The following WDR47 variants were observed in gnomAD, a reference collection of about 807,000 sequenced individuals.
The protein encoded by WDR47 is WD repeat domain 47, also known as WD repeat-containing protein 47.
In WDR47, 32 loss-of-function variants were observed where a neutral mutation model predicts 97.2. That is an observed-to-expected ratio of 0.33 (90% confidence interval 0.25 to 0.44). WDR47 has a LOEUF of 0.44. WDR47 is among the 20% of genes least tolerant of loss of function. The pLI, the probability that WDR47 is intolerant of heterozygous loss-of-function variation, is 1.00. For missense variants in WDR47, 782 were observed against 1,102.3 expected (o/e 0.71, Z 4.11); for synonymous variants, 375 against 373.5 (o/e 1.00, Z -0.05).
intron 10 of WDR47, 55 bp downstream of exon 10, chr1:108,986,468 T>C (rs1658821701): frequency 3.3e-6 from 5 of 1,498,786 alleles, no homozygotes; most frequent in South Asian, 2.9e-5. Context: ...AAGGAACCTA[T>C]ACGGCTAAAT....
At chr1:109,016,002 C>A (rs1661389551) in intron 3 of WDR47, among the ~76,000 whole-genome samples, 2 of 147,682 alleles carry the variant, frequency 1.4e-5, no homozygotes, top group Admixed American at 6.8e-5. Flanking sequence ...AAAAAAAAAC[C>A]CAGAAATTTA....
chr1:109,019,550 TACTACTGGGATCTAGTGGGTAGA>T (rs1661670398), intron 2 of WDR47, among the ~76,000 whole-genome samples: 1 of 152,032 alleles, frequency 6.6e-6, no homozygotes, highest in Non-Finnish European at 1.5e-5. Context: ...CAACTGGGGA[TACTACTGGGATCTAGTGGGTAGA>T]TCTACTGGGA....
chr1:108,984,747 G>A (rs574006643), intron 10 of WDR47, among the ~76,000 whole-genome samples: 2 of 152,064 alleles, frequency 1.3e-5, no homozygotes, highest in African/African-American at 2.4e-5. Flanking sequence ...GCATCGTGGT[G>A]CATGCCTGTA....
At chr1:109,023,977 T>C (rs999902925) in intron 1 of WDR47, among the ~76,000 whole-genome samples, 5 of 152,208 alleles carry the variant, frequency 3.3e-5, no homozygotes, top group South Asian at 2.1e-4. Flanking sequence ...CCCAAATACA[T>C]TGTCCCAGGT....
chr1:108,993,303 G>A (rs1157095503), intron 8 of WDR47, among the ~76,000 whole-genome samples: 6 of 150,950 alleles, frequency 4.0e-5, no homozygotes, highest in Non-Finnish European at 7.4e-5. Flanking sequence ...TCCAGCCTGG[G>A]AGCCAAAGTG....
rs999783359 is a variant in WDR47 at position 108,972,816 on chromosome 1, G to A, written c.2618-1244C>T. On this transcript the variant is annotated intron_variant, in intron 14 of 14. Transcript: ENST00000369962. ...CAAAAAATTAGCCAGGTGTGGTGGC[G>A]GGCGCCTGTAGTTCCAGCTACTTGG... 3.7e-4 allele frequency among the ~76,000 whole-genome samples: 56 copies of A among 151,942 alleles called. 2 individuals carry two copies. The highest frequency in any genetic ancestry group is 1.2e-4 in the Non-Finnish European group (8 of 67,984).
intron 6 of WDR47, 56 bp from the exon 7 acceptor site, chr1:109,002,458 C>CT (rs1660288886): frequency 1.6e-6 from 2 of 1,277,178 alleles, no homozygotes; most frequent in Admixed American, 5.9e-5. Context: ...CAGAATATAT[C>CT]TTAACAGTAC....
At position 108,971,378 on chromosome 1, in the gene WDR47, AG is replaced by A; in HGVS notation, c.*51del. 6.2e-7 allele frequency: 1 copy of A among 1,606,958 alleles called. No homozygotes were observed. The highest frequency in any genetic ancestry group is 8.5e-7 in the Non-Finnish European group (1 of 1,175,524). ...TTCAGATTTGTAATTTTCACAACTC[AG>A]TAGTCTTAAGTCTCTGTGCTTTTGC... On this transcript the variant is annotated 3_prime_UTR_variant, in exon 15 of 15. Coordinates refer to ENST00000369962, the MANE Select transcript of WDR47 (RefSeq NM_001142551.2).
chr1:109,027,065 T>TC (rs1315322502), intron 1 of WDR47, among the ~76,000 whole-genome samples: 1 of 152,058 alleles, frequency 6.6e-6, no homozygotes, highest in African/African-American at 2.4e-5. Flanking sequence ...ACACAGAATT[T>TC]TTTTTTTTTA....
chr1:108,974,417 C>A, intron 14 of WDR47, 119 bp downstream of exon 14: 1 of 752,380 alleles, frequency 1.3e-6, no homozygotes, highest in South Asian at 2.0e-5. Context: ...AGAATCTGCT[C>A]AATAAATACT....
intron 13 of WDR47, among the ~76,000 whole-genome samples, chr1:108,978,451 C>T (rs1201217858): frequency 6.6e-6 from 1 of 151,530 alleles, no homozygotes; most frequent in Admixed American, 6.6e-5. Flanking sequence ...TGCACTCCAG[C>T]CTGGGCAACC....
chr1:109,023,267 A>C, intron 2 of WDR47, 88 bp downstream of exon 2: 1 of 1,188,218 alleles, frequency 8.4e-7, no homozygotes, highest in Non-Finnish European at 1.1e-6. Context: ...ATGATTATAA[A>C]GTTCTATCTG....
intron 7 of WDR47, 53 bp downstream of exon 7, chr1:109,002,171 T>A: frequency 6.8e-7 from 1 of 1,478,058 alleles, no homozygotes. Context: ...TATTGCATGT[T>A]TTAAATAGCT....
At chr1:108,975,942 A>G (rs1027563737) in intron 13 of WDR47, among the ~76,000 whole-genome samples, 1 of 152,218 alleles carries the variant, frequency 6.6e-6, no homozygotes, top group Non-Finnish European at 1.5e-5. Context: ...AACAGCTTAC[A>G]GGAAGGTAGA....
At chr1:109,020,924 T>C (rs1661793174) in intron 2 of WDR47, among the ~76,000 whole-genome samples, 1 of 150,566 alleles carries the variant, frequency 6.6e-6, no homozygotes, top group South Asian at 2.1e-4. Flanking sequence ...TTCCTTCTTG[T>C]CGCCCAAGCT....
Position 109,004,623 on chromosome 1 carries a change from T to A in WDR47, c.1223A>T (p.Asn408Ile). ...SEKEPANGAQ[N>I]PGPAKQEKNE... The stretch of plus-strand genomic sequence containing the variant: ...TTTTTCTTGTTTAGCTGGTCCTGGA[T>A]TCTGTGCTCCATTTGCAGGCTCTTT... Residue 408 changes from asparagine (N) to isoleucine (I), a missense_variant, in exon 6 of 15, where the codon AAT becomes ATT. Coordinates refer to ENST00000369962, the MANE Select transcript of WDR47 (RefSeq NM_001142551.2). The A allele has an allele frequency of 6.2e-7, 1 of 1,613,712 alleles. No homozygotes were observed. Among genetic ancestry groups the A allele is most frequent in the Non-Finnish European group, 8.5e-7 (1 of 1,179,804 alleles).
intron 7 of WDR47, among the ~76,000 whole-genome samples, chr1:108,996,538 TGAG>T (rs1659762623): frequency 6.6e-6 from 1 of 152,204 alleles, no homozygotes; most frequent in Non-Finnish European, 1.5e-5. Flanking sequence ...CCATCTGTCT[TGAG>T]TAGTATCAAG....
chr1:108,982,168 G>C (rs1658394583), intron 12 of WDR47, among the ~76,000 whole-genome samples: 1 of 152,076 alleles, frequency 6.6e-6, no homozygotes, highest in African/African-American at 2.4e-5. Flanking sequence ...ATGTGATAGA[G>C]ATTTTTCACA....
rs1661007755 is a variant in WDR47, at chr1:109,011,093, T to C, written c.953A>G (p.Asp318Gly). 2 of 1,613,958 alleles carry C rather than the reference T, an allele frequency of 1.2e-6. No individual in the cohort carries two copies. The highest frequency in any genetic ancestry group is 1.7e-6 in the Non-Finnish European group (2 of 1,180,016). ...YMTRSLNPAL[D>G]GLTCGLTSHD... ...ACTGGTTAGTCCACAGGTGAGGCCA[T>C]CTAAAGCAGGATTCAGAGAGCGGGT... The change falls in exon 5 of 15, where the codon GAT becomes GGT. Residue 318 changes from aspartate to glycine, a missense_variant. Transcript: ENST00000369962.
Sources: allele counts gnomAD v4.1 joint callset (sites outside exome capture counted in the v4.1 genomes callset), GRCh38; gene constraint gnomAD v4.1.1; transcripts MANE v1.5; gene names NCBI Gene and HGNC (gene_info 2026-07-23, HGNC 2026-07-21).